Variants in TIA1 observed in about 807,000 individuals in gnomAD.
The protein encoded by TIA1 is TIA1 cytotoxic granule associated RNA binding protein.
A neutral mutation model predicts 65.9 loss-of-function variants in TIA1; 23 were observed. That is an observed-to-expected ratio of 0.35 (90% CI 0.25 to 0.49). TIA1 has a LOEUF of 0.49. Ranked by LOEUF, TIA1 falls within the 20% of genes least tolerant of loss-of-function variation. The pLI, the probability that TIA1 is intolerant of heterozygous loss-of-function variation, is 0.98. For missense variants in TIA1, 371 were observed against 477.9 expected (o/e 0.78, Z 2.09); for synonymous variants, 147 against 149.4 (o/e 0.98, Z 0.12).
intron 1 of TIA1, among the ~76,000 whole-genome samples, chr2:70,241,709 G>GT (rs1386736391): frequency 6.6e-6 from 1 of 152,138 alleles, no homozygotes; most frequent in African/African-American, 2.4e-5. Context: ...GGAGGCCGAG[G>GT]TGAGAGATTC....
intron 1 of TIA1, among the ~76,000 whole-genome samples, chr2:70,243,455 G>A (rs1020863013): frequency 1.6e-4 from 24 of 152,102 alleles, no homozygotes; most frequent in Admixed American, 9.2e-4. Flanking sequence ...AATAAATTGT[G>A]TAGAATAGTA....
chr2:70,232,848 G>A (rs1267645802), intron 2 of TIA1, among the ~76,000 whole-genome samples: 8 of 151,596 alleles, frequency 5.3e-5, no homozygotes, highest in African/African-American at 1.5e-4. Flanking sequence ...CAGTCTGGGC[G>A]CACAGCGAGA....
At chr2:70,233,419 T>C (rs968360259) in intron 2 of TIA1, among the ~76,000 whole-genome samples, 2 of 152,142 alleles carry the variant, frequency 1.3e-5, no homozygotes, top group Non-Finnish European at 2.9e-5. Context: ...TAAAACACAA[T>C]GGGAATTCTA....
chr2:70,243,742 T>C (rs965307510), intron 1 of TIA1, among the ~76,000 whole-genome samples: 1 of 152,186 alleles, frequency 6.6e-6, no homozygotes, highest in Non-Finnish European at 1.5e-5. Flanking sequence ...TTAAAATAAA[T>C]CCATTTATTG....
At chr2:70,228,091 T>C (rs1248660695) in intron 5 of TIA1, among the ~76,000 whole-genome samples, 1 of 152,172 alleles carries the variant, frequency 6.6e-6, no homozygotes, top group Non-Finnish European at 1.5e-5. Context: ...ATTACACTGG[T>C]CTAAGAAAAT....
intron 6 of TIA1, chr2:70,225,202 A>C (rs1337740545): frequency 6.8e-5 from 73 of 1,068,320 alleles, no homozygotes; most frequent in Non-Finnish European, 8.0e-5. Flanking sequence ...GACACACACA[A>C]GTTTTAAGCT....
chr2:70,248,513 C>G lies in TIA1; in HGVS notation c.-83G>C. The G allele has an allele frequency of 6.3e-7, 1 of 1,593,182 alleles. No homozygotes were observed. Among genetic ancestry groups the G allele is most frequent in the Non-Finnish European group, 8.5e-7 (1 of 1,174,874 alleles). On this transcript the variant is annotated 5_prime_UTR_variant, in exon 1 of 13. Transcript: ENST00000433529. ...CAAATCGTTTAAGCGGTTATGGCTACAGGATAGTGGGGTTTCTCGGCTGAC... is the reference window on the plus strand; with the variant it reads ...CAAATCGTTTAAGCGGTTATGGCTAGAGGATAGTGGGGTTTCTCGGCTGAC...
intron 1 of TIA1, among the ~76,000 whole-genome samples, chr2:70,237,627 G>C (rs1689575507): frequency 6.6e-6 from 1 of 152,060 alleles, no homozygotes; most frequent in Non-Finnish European, 1.5e-5. Flanking sequence ...CACTTTGGGA[G>C]GCTGAGGAGA....
At chr2:70,215,304 A>G in intron 11 of TIA1, 67 bp downstream of exon 11, 1 of 1,593,252 alleles carries the variant, frequency 6.3e-7, no homozygotes, top group Non-Finnish European at 8.6e-7. Flanking sequence ...AGGATTATCA[A>G]CAATCTTCAC....
At chr2:70,231,136 A>G (rs1360632440) in intron 2 of TIA1, among the ~76,000 whole-genome samples, 1 of 134,834 alleles carries the variant, frequency 7.4e-6, no homozygotes, top group Non-Finnish European at 1.8e-5. Flanking sequence ...TGTCTCTATT[A>G]AAAAAAAATA....
At chr2:70,245,062 T>C (rs951328276) in intron 1 of TIA1, among the ~76,000 whole-genome samples, 1 of 152,170 alleles carries the variant, frequency 6.6e-6, no homozygotes, top group East Asian at 1.9e-4. Flanking sequence ...CTCGGCTCAC[T>C]GCAACCTCCA....
intron 1 of TIA1, among the ~76,000 whole-genome samples, chr2:70,242,957 T>A (rs1056347136): frequency 1.6e-4 from 25 of 152,324 alleles, no homozygotes; most frequent in Middle Eastern, 3.4e-3. Flanking sequence ...TCTAGAACAC[T>A]GCCTGGAACA....
chr2:70,238,910 A>C (rs1690399788), intron 1 of TIA1, among the ~76,000 whole-genome samples: 1 of 151,982 alleles, frequency 6.6e-6, no homozygotes, highest in Non-Finnish European at 1.5e-5. Flanking sequence ...ATAAAGATAA[A>C]AAATTAGCGG....
chr2:70,229,541 A>G (rs903006022), intron 3 of TIA1, among the ~76,000 whole-genome samples: 12 of 152,052 alleles, frequency 7.9e-5, no homozygotes, highest in African/African-American at 2.9e-4. Flanking sequence ...AACCTTTCCT[A>G]CCTAAAGTAC....
intron 1 of TIA1, among the ~76,000 whole-genome samples, chr2:70,244,754 G>C (rs1693496669): frequency 7.1e-6 from 1 of 140,402 alleles, no homozygotes; most frequent in African/African-American, 2.7e-5. Context: ...AGAATGGCGT[G>C]AACCTGGAAG....
At chr2:70,241,311 G>A (rs1476147028) in intron 1 of TIA1, among the ~76,000 whole-genome samples, 2 of 152,046 alleles carry the variant, frequency 1.3e-5, no homozygotes, top group Admixed American at 1.3e-4. Flanking sequence ...GCTTGGTGGC[G>A]TGTGCCTGTA....
rs186239739 is a variant in TIA1 at position 70,248,337 on chromosome 2, C to A, written c.26+68G>T. ...ACGGAGAACAATAGGCTGGGAGCGG[C>A]GCAGGGCCGAGGCCTTCCCTCCGGG... On this transcript the variant is annotated intron_variant, in intron 1 of 12. Coordinates refer to ENST00000433529, the MANE Select transcript of TIA1 (RefSeq NM_022173.4). 7.1e-6 allele frequency: 11 copies of A among 1,555,904 alleles called. No homozygotes were observed. The African/African-American group carries it at 1.5e-4, about 21-fold the overall frequency.
At chr2:70,245,972 G>A (rs1381820920) in intron 1 of TIA1, among the ~76,000 whole-genome samples, 3 of 144,608 alleles carry the variant, frequency 2.1e-5, no homozygotes, top group Non-Finnish European at 4.5e-5. Context: ...TGCACAGGCT[G>A]GAGTGCAATG....
chr2:70,239,113 G>A (rs909488590), intron 1 of TIA1, among the ~76,000 whole-genome samples: 8 of 152,142 alleles, frequency 5.3e-5, no homozygotes, highest in African/African-American at 1.4e-4. Flanking sequence ...TTTATTTAGA[G>A]ACGGAGTCTT....
Sources: allele counts gnomAD v4.1 joint callset (sites outside exome capture counted in the v4.1 genomes callset), GRCh38; gene constraint gnomAD v4.1.1; transcripts MANE v1.5; gene names NCBI Gene and HGNC (gene_info 2026-07-23, HGNC 2026-07-21).